The following NTM variants were observed in gnomAD, a reference collection of about 807,000 sequenced individuals.
NTM encodes IgLON family member 2.
A neutral mutation model predicts 42.1 loss-of-function variants in NTM; 13 were observed. The observed-to-expected ratio is 0.31, with a 90% CI of 0.20 to 0.49. The LOEUF is 0.49. Among genes scored for constraint, NTM ranks in the 20% least tolerant of loss-of-function variants. The probability of loss-of-function intolerance (pLI) is 0.99; values close to 1 mark genes in which losing one functional copy is unlikely to be tolerated. For missense variants in NTM, 373 were observed against 452.8 expected (o/e 0.82, Z 1.60); for synonymous variants, 187 against 179.2 (o/e 1.04, Z -0.35).
intron 2 of NTM, among the ~76,000 whole-genome samples, chr11:132,101,556 TTG>T (rs979774841): frequency 3.1e-5 from 4 of 131,042 alleles, no homozygotes; most frequent in Admixed American, 2.4e-4. Flanking sequence ...GAACACAACC[TTG>T]TGTGTGTGTG....
At chr11:131,577,881 G>T (rs1242105722) in intron 1 of NTM, among the ~76,000 whole-genome samples, 1 of 152,082 alleles carries the variant, frequency 6.6e-6, no homozygotes, top group Non-Finnish European at 1.5e-5. Context: ...GTAGTGAATT[G>T]GTATTTCAGG....
chr11:131,865,576 G>A (rs1057012098), intron 1 of NTM, among the ~76,000 whole-genome samples: 1 of 152,100 alleles, frequency 6.6e-6, no homozygotes, highest in East Asian at 1.9e-4. Context: ...TTGCATGCAC[G>A]TGCTTAGCCT....
intron 1 of NTM, among the ~76,000 whole-genome samples, chr11:131,583,864 G>C (rs769098430): frequency 2.6e-5 from 4 of 152,100 alleles, no homozygotes; most frequent in Non-Finnish European, 4.4e-5. Flanking sequence ...ATGAACCCCT[G>C]AGAAGTACCT....
intron 1 of NTM, among the ~76,000 whole-genome samples, chr11:131,787,605 G>C (rs1269307397): frequency 1.3e-5 from 2 of 151,924 alleles, no homozygotes; most frequent in African/African-American, 2.4e-5. Context: ...AGGATGGTCT[G>C]GATCTCTTGA....
chr11:131,410,517 C>CAA (rs1161389222), intron 1 of NTM, among the ~76,000 whole-genome samples: 6,476 of 32,766 alleles, frequency 0.2, 1,566 homozygotes, highest in Non-Finnish European at 0.25. Context: ...AAACAATAAC[C>CAA]AAAAAAAAAA....
At chr11:131,511,609 G>A (rs944101406) in intron 1 of NTM, among the ~76,000 whole-genome samples, 2 of 151,984 alleles carry the variant, frequency 1.3e-5, no homozygotes, top group African/African-American at 4.8e-5. Context: ...TACATATTAC[G>A]TGACTGGGTC....
intron 1 of NTM, among the ~76,000 whole-genome samples, chr11:131,391,652 A>G (rs536191670): frequency 6.7e-6 from 1 of 148,792 alleles, no homozygotes; most frequent in Admixed American, 6.7e-5. Flanking sequence ...GGGAAAAAAA[A>G]AAAAAAAAAA....
intron 2 of NTM, among the ~76,000 whole-genome samples, chr11:131,993,395 G>A (rs961986832): frequency 3.3e-5 from 5 of 152,128 alleles, no homozygotes; most frequent in African/African-American, 1.2e-4. Flanking sequence ...TTTTTGGCTT[G>A]GGTAATGAGG....
chr11:132,049,978 G>T (rs2078620840), intron 2 of NTM, among the ~76,000 whole-genome samples: 1 of 152,186 alleles, frequency 6.6e-6, no homozygotes, highest in Non-Finnish European at 1.5e-5. Flanking sequence ...GATTCTGAAA[G>T]ATGCAGTGTC....
intron 1 of NTM, 37 bp from the exon 2 acceptor site, chr11:131,911,527 G>T: frequency 1.9e-6 from 3 of 1,614,166 alleles, no homozygotes; most frequent in Non-Finnish European, 2.5e-6. Flanking sequence ...GTGCCTCGTG[G>T]TCGTGTCTCT....
chr11:132,321,819 C>T (rs1285619263), intron 7 of NTM, among the ~76,000 whole-genome samples: 2 of 150,082 alleles, frequency 1.3e-5, no homozygotes, highest in African/African-American at 4.9e-5. Context: ...ATCAGACTAA[C>T]AGCGGATCTC....
In NTM at chr11:132,212,029, C is replaced by A. The variant is rs764800207; in HGVS notation, c.408C>A (p.Pro136=). 6.2e-7 allele frequency: 1 copy of A among 1,607,448 alleles called. No individual in the cohort carries two copies. Among genetic ancestry groups the A allele is most frequent in the East Asian group, 2.2e-5 (1 of 44,796 alleles). The change falls in exon 4 of 9, where the codon CCC becomes CCA. Residue 136 remains proline, a synonymous_variant. Coordinates refer to ENST00000683400, the MANE Select transcript of NTM (RefSeq NM_001352005.2). ...SRVHLIVQVS[P]KIVEISSDIS... ...TCTGTCTTGTTTCCACAGTATCTCC[C>A]AAAATTGTAGAGATTTCTTCAGATA...
chr11:132,003,152 G>T lies in NTM; in HGVS notation c.167+91504G>T, dbSNP rs752219436. Among the ~76,000 whole-genome samples, 1 of 152,024 alleles carries T rather than the reference G, an allele frequency of 6.6e-6. No homozygotes were observed. Among genetic ancestry groups the T allele is most frequent in the Non-Finnish European group, 1.5e-5 (1 of 68,022 alleles). On this transcript the variant is annotated intron_variant, in intron 2 of 8. Coordinates refer to ENST00000683400, the MANE Select transcript of NTM (RefSeq NM_001352005.2). The surrounding 1 kb of genome is among the most constrained non-coding windows in gnomAD (Gnocchi z 6.0). ...TCCTCCTTCACCCTAATGCTAGCCC[G>T]GTTCTGAGCCAGAGTTATTTCGCTC...
At chr11:131,881,031 T>C (rs2049387045) in intron 1 of NTM, among the ~76,000 whole-genome samples, 1 of 152,206 alleles carries the variant, frequency 6.6e-6, no homozygotes, top group Non-Finnish European at 1.5e-5. Context: ...TGTGTCTTCA[T>C]GGAACTTGCC....
intron 2 of NTM, among the ~76,000 whole-genome samples, chr11:132,068,666 G>T (rs997401852): frequency 1.3e-5 from 2 of 152,232 alleles, no homozygotes; most frequent in African/African-American, 4.8e-5. Flanking sequence ...ATCAGTCAGG[G>T]TTAAACCAGA....
intron 1 of NTM, among the ~76,000 whole-genome samples, chr11:131,586,845 A>G (rs1444844884): frequency 6.6e-6 from 1 of 152,216 alleles, no homozygotes; most frequent in Non-Finnish European, 1.5e-5. Flanking sequence ...AAGTGTTTTC[A>G]ACTCTTTGGA....
At chr11:132,023,789 TTTGTTGTTGGTGGTGGTGGTTTTG>T (rs1565969385) in intron 2 of NTM, among the ~76,000 whole-genome samples, 17 of 108,154 alleles carry the variant, frequency 1.6e-4, no homozygotes, top group Middle Eastern at 4.5e-3. Context: ...TGTTGGTGGT[TTTGTTGTTGGTGGTGGTGGTTTTG>T]TTGTTGTTGT....
chr11:132,058,938 A>C (rs775713913), intron 2 of NTM, among the ~76,000 whole-genome samples: 1 of 152,228 alleles, frequency 6.6e-6, no homozygotes, highest in African/African-American at 2.4e-5. Flanking sequence ...TATTGTGAAA[A>C]TGTGAAGTAG....
chr11:131,476,036 G>GA (rs1488158644), intron 1 of NTM, among the ~76,000 whole-genome samples: 1 of 152,072 alleles, frequency 6.6e-6, no homozygotes, highest in African/African-American at 2.4e-5. Flanking sequence ...GTGAAGGAAG[G>GA]AAAAAAGGAA....
Sources: allele counts gnomAD v4.1 joint callset (sites outside exome capture counted in the v4.1 genomes callset), GRCh38; gene constraint gnomAD v4.1.1; non-coding constraint Gnocchi (gnomAD v3.1); transcripts MANE v1.5; gene names NCBI Gene and HGNC (gene_info 2026-07-23, HGNC 2026-07-21).